SPPL3: variants seen among roughly 807,000 people sequenced by gnomAD.
SPPL3 encodes signal peptide peptidase-like 3.
Under a neutral mutation model 42.4 loss-of-function variants are expected in SPPL3, and 5 were observed. The ratio of observed to expected loss-of-function variants is 0.12; its 90% CI spans 0.06 to 0.25. The LOEUF is 0.25. SPPL3 is among the 10% of genes least tolerant of loss of function. SPPL3 has a pLI of 1.00. For synonymous variants in SPPL3, 195 were observed against 181.8 expected (o/e 1.07, Z -0.58); for missense variants, 235 against 489.0 (o/e 0.48, Z 4.90).
chr12:120,800,868 A>G (rs1167800074), intron 2 of SPPL3, among the ~76,000 whole-genome samples: 5 of 152,208 alleles, frequency 3.3e-5, no homozygotes, highest in Non-Finnish European at 7.3e-5. Context: ...TTGAGCTCAT[A>G]CTGTCAGGCA....
chr12:120,835,917 C>G (rs190760445), intron 1 of SPPL3, among the ~76,000 whole-genome samples: 6 of 152,308 alleles, frequency 3.9e-5, no homozygotes, highest in African/African-American at 2.4e-5. Context: ...GGCAACTTCC[C>G]TTGCAACAGA....
At chr12:120,776,241 C>T (rs1361046707) in intron 6 of SPPL3, among the ~76,000 whole-genome samples, 1 of 152,150 alleles carries the variant, frequency 6.6e-6, no homozygotes, top group Admixed American at 6.5e-5. Context: ...ATTAGGGTTT[C>T]GGGGAGCCTC....
chr12:120,809,817 T>C (rs977088117), intron 2 of SPPL3, among the ~76,000 whole-genome samples: 15 of 152,178 alleles, frequency 9.9e-5, no homozygotes, highest in African/African-American at 3.1e-4. Context: ...ATGAACCATA[T>C]GAAATTGTTT....
chr12:120,779,362 G>T (rs551627802), intron 6 of SPPL3, among the ~76,000 whole-genome samples: 2 of 152,262 alleles, frequency 1.3e-5, no homozygotes, highest in East Asian at 1.9e-4. Context: ...CCCAGACCTG[G>T]CACTGGTTCC....
chr12:120,797,212 G>C (rs1870128233), intron 2 of SPPL3, among the ~76,000 whole-genome samples: 1 of 151,892 alleles, frequency 6.6e-6, no homozygotes. Context: ...TGGGATGAAT[G>C]TTCAAGGATT....
intron 1 of SPPL3, among the ~76,000 whole-genome samples, chr12:120,827,344 AATAATAATAAT>A (rs1268310142): frequency 3.5e-4 from 50 of 144,684 alleles, no homozygotes; most frequent in Non-Finnish European, 4.8e-4. Context: ...TAATAATAAT[AATAATAATAAT>A]ATAATAATAT....
chr12:120,864,392 G>A (rs940985266), intron 1 of SPPL3, among the ~76,000 whole-genome samples: 3 of 151,950 alleles, frequency 2.0e-5, no homozygotes, highest in East Asian at 1.9e-4. Context: ...AAAATCAGCC[G>A]GGTGTGGTGG....
At chr12:120,860,232 A>T (rs1188501452) in intron 1 of SPPL3, among the ~76,000 whole-genome samples, 1 of 152,194 alleles carries the variant, frequency 6.6e-6, no homozygotes, top group African/African-American at 2.4e-5. Flanking sequence ...GTCACTGAGT[A>T]GGGTCTTTAA....
intron 1 of SPPL3, among the ~76,000 whole-genome samples, chr12:120,852,764 G>GAAATA (rs1433841747): frequency 0.42 from 28,547 of 68,122 alleles, 9,014 homozygotes; most frequent in Admixed American, 0.55. Flanking sequence ...TTATATCTAT[G>GAAATA]TATATTATAT....
chr12:120,796,349 C>G (rs959954519), intron 2 of SPPL3, among the ~76,000 whole-genome samples: 4 of 152,162 alleles, frequency 2.6e-5, no homozygotes, highest in African/African-American at 4.8e-5. Context: ...GCACTCCAGC[C>G]TGGACGACAG....
At chr12:120,771,799 T>C (rs1592954291) in intron 6 of SPPL3, among the ~76,000 whole-genome samples, 1 of 152,184 alleles carries the variant, frequency 6.6e-6, no homozygotes, top group Admixed American at 6.5e-5. Flanking sequence ...GAGGGCACTC[T>C]CCACTGTACA....
At chr12:120,841,435 T>TAC (rs34174089) in intron 1 of SPPL3, among the ~76,000 whole-genome samples, 3 of 151,966 alleles carry the variant, frequency 2.0e-5, no homozygotes, top group Non-Finnish European at 4.4e-5. Flanking sequence ...TAGTTATATA[T>TAC]ATATATATGC....
chr12:120,903,718 G>T, intron 1 of SPPL3, 127 bp downstream of exon 1: 1 of 729,752 alleles, frequency 1.4e-6, no homozygotes, highest in South Asian at 2.2e-5. Flanking sequence ...AGGGGGGCGT[G>T]CACCCCAACC....
In SPPL3 at chr12:120,762,624, C is replaced by T. The variant is rs1260026947; in HGVS notation, c.*2375G>A. ...TTTTTTTTTTTTTGAGATGGAGTCT[C>T]ACCCTGTCGCCCAGACTTGAGTGCA... On this transcript the variant is annotated 3_prime_UTR_variant, in exon 11 of 11. Coordinates refer to ENST00000353487, the MANE Select transcript of SPPL3 (RefSeq NM_139015.5). The T allele has an allele frequency of 1.4e-5, 2 of 143,596 alleles. No homozygotes were observed. The highest frequency in any genetic ancestry group is 5.3e-5 in the African/African-American group (2 of 37,568). 8.9% of individuals were successfully genotyped at this position (143,596 alleles called of 1,614,324 possible). A position where few individuals can be genotyped will look rare whatever the true frequency, so the allele number is the denominator to read the frequency against.
At chr12:120,870,717 G>A (rs1014065080) in intron 1 of SPPL3, among the ~76,000 whole-genome samples, 1 of 152,156 alleles carries the variant, frequency 6.6e-6, no homozygotes, top group Non-Finnish European at 1.5e-5. Context: ...GACATGATAA[G>A]TGAAGTATGC....
At chr12:120,768,813 G>C (rs909493688) in intron 7 of SPPL3, 140 bp downstream of exon 7, 6 of 719,210 alleles carry the variant, frequency 8.3e-6, no homozygotes, top group Middle Eastern at 7.9e-4. Context: ...GCACACCCAT[G>C]ATACAGTTAA....
chr12:120,821,654 T>C (rs1462882014), intron 1 of SPPL3, among the ~76,000 whole-genome samples: 3 of 152,250 alleles, frequency 2.0e-5, no homozygotes. Context: ...ACATGCTGGT[T>C]GAAATTACTA....
chr12:120,864,820 T>G (rs1016690362), intron 1 of SPPL3, among the ~76,000 whole-genome samples: 1 of 152,100 alleles, frequency 6.6e-6, no homozygotes, highest in Admixed American at 6.5e-5. Context: ...CACAAAGCAT[T>G]AAAAAGATGT....
intron 1 of SPPL3, among the ~76,000 whole-genome samples, chr12:120,861,773 TG>T (rs1320010636): frequency 1.3e-5 from 2 of 152,200 alleles, no homozygotes; most frequent in African/African-American, 4.8e-5. Context: ...TCTTATTCCT[TG>T]TTACTTGTAT....
Sources: allele counts gnomAD v4.1 joint callset (sites outside exome capture counted in the v4.1 genomes callset), GRCh38; gene constraint gnomAD v4.1.1; transcripts MANE v1.5; gene names NCBI Gene and HGNC (gene_info 2026-07-23, HGNC 2026-07-21).